Variants in THSD4 observed in about 807,000 individuals in gnomAD.
THSD4 encodes thrombospondin type-1 domain-containing protein 4.
THSD4 carries 69 observed loss-of-function variants against 119.0 expected under a neutral mutation model. That is an observed-to-expected ratio of 0.58 (90% CI 0.48 to 0.71). The LOEUF (loss-of-function observed/expected upper bound fraction) is 0.71, where lower values mean the gene tolerates loss of function less well. THSD4 is among the 30% of genes least tolerant of loss of function. THSD4 has a pLI of 0.00. For missense variants in THSD4, 1,393 were observed against 1,391.1 expected (o/e 1.00, Z -0.02); for synonymous variants, 524 against 540.4 (o/e 0.97, Z 0.42).
At chr15:71,388,205 G>A (rs558966716) in intron 6 of THSD4, among the ~76,000 whole-genome samples, 17 of 152,266 alleles carry the variant, frequency 1.1e-4, no homozygotes, top group Admixed American at 3.9e-4. Flanking sequence ...ACACTCTTGA[G>A]GGCTTCTTAA....
rs1448956527 is a variant in THSD4, at chr15:71,731,159, G to C, written c.1572G>C (p.Glu524Asp). 6.2e-7 allele frequency: 1 copy of C among 1,614,160 alleles called. No individual in the cohort carries two copies. The change falls in exon 10 of 18, where the codon GAG becomes GAC. Residue 524 changes from glutamate (E) to aspartate (D), a missense_variant. Physicochemically the swap from Glu to Asp is conservative, Grantham distance 45 (BLOSUM62 2). Coordinates refer to ENST00000261862, the MANE Select transcript of THSD4 (RefSeq NM_024817.3). ...AGCCAAACCCAGGCGTGCACTACGAGTACGTGATCATGGGGACCAACGCCA... is the reference window on the plus strand; with the variant it reads ...AGCCAAACCCAGGCGTGCACTACGACTACGTGATCATGGGGACCAACGCCA... ...HQQPNPGVHYEYVIMGTNAIS... is the reference protein window; with the variant it reads ...HQQPNPGVHYDYVIMGTNAIS...
chr15:71,353,122 C>A (rs557289398), intron 6 of THSD4, among the ~76,000 whole-genome samples: 3 of 152,288 alleles, frequency 2.0e-5, no homozygotes, highest in African/African-American at 7.2e-5. Context: ...ATGTAGTGAT[C>A]ATGCATCCCA....
At chr15:71,147,308 G>A (rs750385161) in intron 2 of THSD4, among the ~76,000 whole-genome samples, 1 of 152,074 alleles carries the variant, frequency 6.6e-6, no homozygotes, top group African/African-American at 2.4e-5. Flanking sequence ...GGGCTCAAAC[G>A]ATCCTCCCAC....
At chr15:71,256,068 G>T (rs139395450) in intron 5 of THSD4, among the ~76,000 whole-genome samples, 153 of 152,286 alleles carry the variant, frequency 1.0e-3, no homozygotes, top group African/African-American at 3.3e-3. Context: ...CCCCTATAAC[G>T]ATTCTGAGTT....
At chr15:71,199,452 T>TG (rs770518842) in intron 3 of THSD4, among the ~76,000 whole-genome samples, 90 of 109,202 alleles carry the variant, frequency 8.2e-4, no homozygotes, top group South Asian at 5.5e-3. Context: ...TGTGTGTGTG[T>TG]GGGGGGGGGT....
intron 8 of THSD4, among the ~76,000 whole-genome samples, chr15:71,668,935 A>C (rs887010955): frequency 6.6e-6 from 1 of 152,214 alleles, no homozygotes; most frequent in South Asian, 2.1e-4. Context: ...AGAAAACTTA[A>C]AGGTTCTCTA....
At chr15:71,311,564 G>T (rs1286730456) in intron 6 of THSD4, among the ~76,000 whole-genome samples, 1 of 152,176 alleles carries the variant, frequency 6.6e-6, no homozygotes, top group African/African-American at 2.4e-5. Context: ...TGCAGTTGCT[G>T]CTTCACTTTC....
intron 6 of THSD4, among the ~76,000 whole-genome samples, chr15:71,391,415 C>T (rs974981915): frequency 4.6e-5 from 7 of 152,130 alleles, no homozygotes; most frequent in Non-Finnish European, 7.3e-5. Flanking sequence ...AAGCCTCAAG[C>T]GATCCTCCTG....
chr15:71,524,763 ATTT>A (rs35666244), intron 7 of THSD4, among the ~76,000 whole-genome samples: 28,132 of 116,028 alleles, frequency 0.24, 3,292 homozygotes, highest in Middle Eastern at 0.38. Flanking sequence ...CGCCCGGCTA[ATTT>A]TTTTTTTTTT....
chr15:71,492,658 A>G (rs1387856004), intron 7 of THSD4, among the ~76,000 whole-genome samples: 2 of 152,130 alleles, frequency 1.3e-5, no homozygotes, highest in Non-Finnish European at 2.9e-5. Context: ...TGAGCCTGAA[A>G]GAAGGAAGCT....
chr15:71,220,111 CA>C lies in THSD4; in HGVS notation c.464+4713del, dbSNP rs547220843. On this transcript the variant is annotated intron_variant, in intron 4 of 17. Coordinates refer to ENST00000261862, the MANE Select transcript of THSD4 (RefSeq NM_024817.3). ...AGTTCAAAAAAAAAATTAGAAGTCA[CA>C]GTCTCTATTCTTGGGGGCCTTACAC... 3.9e-5 allele frequency among the ~76,000 whole-genome samples: 6 copies of C among 152,174 alleles called. No individual in the cohort carries two copies. The South Asian group carries it at 1.2e-3, about 32-fold the overall frequency.
intron 8 of THSD4, among the ~76,000 whole-genome samples, chr15:71,701,807 T>C (rs2052294640): frequency 6.6e-6 from 1 of 152,114 alleles, no homozygotes; most frequent in African/African-American, 2.4e-5. Flanking sequence ...TGGTTATCCT[T>C]GTGGAGTGAA....
intron 6 of THSD4, among the ~76,000 whole-genome samples, chr15:71,375,878 T>TC (rs1343680512): frequency 6.6e-6 from 1 of 152,192 alleles, no homozygotes; most frequent in Non-Finnish European, 1.5e-5. Flanking sequence ...TGGGTTTTAA[T>TC]AAACCCTCCA....
At chr15:71,188,194 G>A (rs1264824090) in intron 3 of THSD4, among the ~76,000 whole-genome samples, 1 of 152,190 alleles carries the variant, frequency 6.6e-6, no homozygotes. Context: ...GCAGAAGGAA[G>A]GGAGCCATTG....
rs1261323997 is a variant in THSD4, at chr15:71,711,722, G to A, written c.1358-16827G>A. Among the ~76,000 whole-genome samples the A allele has an allele frequency of 3.9e-5, 6 of 152,012 alleles. No individual in the cohort carries two copies. In the East Asian group the frequency reaches 7.7e-4, roughly 20 times the overall value. ...AAACACATTTTTGAAAAGATATTTC[G>A]GGGAAATACTAATCAAAAGCAGGAG... On this transcript the variant is annotated intron_variant, in intron 8 of 17. Coordinates refer to ENST00000261862, the MANE Select transcript of THSD4 (RefSeq NM_024817.3).
At chr15:71,098,023 C>G (rs1384105431) in intron 1 of THSD4, among the ~76,000 whole-genome samples, 1 of 151,904 alleles carries the variant, frequency 6.6e-6, no homozygotes, top group Non-Finnish European at 1.5e-5. Context: ...TTCATAGGAG[C>G]CAGACCCACA....
chr15:71,121,562 C>T (rs2040409362), intron 1 of THSD4, among the ~76,000 whole-genome samples: 1 of 152,170 alleles, frequency 6.6e-6, no homozygotes, highest in Admixed American at 6.5e-5. Flanking sequence ...TTTGCTCCAG[C>T]TCCATGGTTT....
At position 71,430,780 on chromosome 15, in the gene THSD4, A is replaced by AAG. The variant is rs1555413011; in HGVS notation, c.1152+18958_1152+18959insGA. On this transcript the variant is annotated intron_variant, in intron 7 of 17. Coordinates refer to ENST00000261862, the MANE Select transcript of THSD4 (RefSeq NM_024817.3). ...TCAAGAAAAAAAAAAAAAAAAAAAA[A>AAG]AAAGAGAGTTACATTCTTTACCTAC... Among the ~76,000 whole-genome samples the AAG allele has an allele frequency of 8.1e-4, 109 of 134,474 alleles. 1 individual carries two copies. Among genetic ancestry groups the AAG allele is most frequent in the East Asian group, 2.7e-3 (12 of 4,486 alleles). The allele number at this position is 134,474 out of a possible 152,430, so 88.2% of individuals were successfully genotyped here.
chr15:71,466,344 CAAAAAAA>C (rs66981958), intron 7 of THSD4, among the ~76,000 whole-genome samples: 2 of 117,392 alleles, frequency 1.7e-5, no homozygotes, highest in Non-Finnish European at 3.6e-5. Flanking sequence ...GACTCCATCT[CAAAAAAA>C]AAAAAAAGGA....
Sources: allele counts gnomAD v4.1 joint callset (sites outside exome capture counted in the v4.1 genomes callset), GRCh38; gene constraint gnomAD v4.1.1; transcripts MANE v1.5; gene names NCBI Gene and HGNC (gene_info 2026-07-23, HGNC 2026-07-21).